CFAP58: variants seen among roughly 807,000 people sequenced by gnomAD.
CFAP58 encodes the protein cilia and flagella associated protein 58, also known as cilia- and flagella-associated protein 58.
Under a neutral mutation model 119.5 loss-of-function variants are expected in CFAP58, and 88 were observed. The observed-to-expected ratio is 0.74, with a 90% CI of 0.62 to 0.88. The LOEUF (loss-of-function observed/expected upper bound fraction) is 0.88, where lower values mean the gene tolerates loss of function less well. Ranked by LOEUF, CFAP58 falls within the 40% of genes least tolerant of loss-of-function variation. The pLI is 0.00. For synonymous variants in CFAP58, 365 were observed against 366.3 expected (o/e 1.00, Z 0.04); for missense variants, 990 against 1,021.2 (o/e 0.97, Z 0.42).
chr10:104,450,725 T>TTTG (rs397812639), intron 17 of CFAP58, among the ~76,000 whole-genome samples: 2 of 151,594 alleles, frequency 1.3e-5, no homozygotes, highest in African/African-American at 4.9e-5. Flanking sequence ...GATTTTTTTT[T>TTTG]GTAGCAACAG....
chr10:104,445,654 C>T (rs2013102997), intron 15 of CFAP58, among the ~76,000 whole-genome samples: 1 of 152,106 alleles, frequency 6.6e-6, no homozygotes, highest in Non-Finnish European at 1.5e-5. Context: ...AGGGTGATAC[C>T]ATGTCTTTGA....
At chr10:104,432,550 T>C (rs2012865853) in intron 15 of CFAP58, among the ~76,000 whole-genome samples, 3 of 152,088 alleles carry the variant, frequency 2.0e-5, no homozygotes, top group African/African-American at 7.2e-5. Flanking sequence ...GTCACCAGGC[T>C]AGAGTGCCAT....
chr10:104,415,029 A>C (rs901523522), intron 15 of CFAP58, among the ~76,000 whole-genome samples: 11 of 152,152 alleles, frequency 7.2e-5, no homozygotes, highest in Non-Finnish European at 1.5e-4. Context: ...GAGCGCCCGG[A>C]ATTCCGGGGT....
intron 15 of CFAP58, among the ~76,000 whole-genome samples, chr10:104,408,060 A>G (rs895137991): frequency 2.0e-5 from 3 of 152,222 alleles, no homozygotes; most frequent in African/African-American, 7.2e-5. Context: ...ATATATGAGT[A>G]AGGGACATTT....
chr10:104,381,113 G>A lies in CFAP58; in HGVS notation c.1365+893G>A, dbSNP rs549448457. Among the ~76,000 whole-genome samples, 3 of 152,318 alleles carry A rather than the reference G, an allele frequency of 2.0e-5. No individual in the cohort carries two copies. In the South Asian group the frequency reaches 6.2e-4, roughly 32 times the overall value. On this transcript the variant is annotated intron_variant, in intron 9 of 17. Coordinates refer to ENST00000369704, the MANE Select transcript of CFAP58 (RefSeq NM_001008723.2). ...TACAGTGAGCTGTGGTTGCAGCACT[G>A]CACTCCAGCCTGGGCAACAGAGTGA... is the stretch of plus-strand genomic sequence containing the variant.
chr10:104,411,548 C>T (rs529226668), intron 15 of CFAP58, among the ~76,000 whole-genome samples: 32 of 152,020 alleles, frequency 2.1e-4, no homozygotes, highest in African/African-American at 7.5e-4. Context: ...TTTCAGAAAG[C>T]CTTTATTTGG....
In CFAP58 at chr10:104,442,554, C is replaced by T. The variant is rs1159289897; in HGVS notation, c.2257-5144C>T. 6.7e-5 allele frequency among the ~76,000 whole-genome samples: 10 copies of T among 149,442 alleles called. No individual in the cohort carries two copies. The East Asian group carries it at 1.8e-3, about 26-fold the overall frequency. On this transcript the variant is annotated intron_variant, in intron 15 of 17. Transcript: ENST00000369704. ...AGTGAGCCGAGATGGTGCCATTGCA[C>T]TCCAGGCTAGGTGAGAGAGTGAGAC...
At chr10:104,383,921 T>A (rs2011871937) in intron 9 of CFAP58, among the ~76,000 whole-genome samples, 1 of 152,200 alleles carries the variant, frequency 6.6e-6, no homozygotes, top group Non-Finnish European at 1.5e-5. Context: ...GTTCCAAGTT[T>A]ATCTTTTTGA....
chr10:104,353,327 C>T, upstream of CFAP58: 1 of 152,600 alleles, frequency 6.6e-6, no homozygotes, highest in South Asian at 2.0e-4. Context: ...TCAGCTTTCC[C>T]TCCGTGTCTT....
intron 15 of CFAP58, among the ~76,000 whole-genome samples, chr10:104,418,412 T>G (rs946309819): frequency 2.0e-5 from 3 of 152,060 alleles, no homozygotes; most frequent in Non-Finnish European, 4.4e-5. Flanking sequence ...GCCGGGCATG[T>G]TGGCAGGTGC....
rs548675831 is a variant in CFAP58, at chr10:104,393,241, C to T, written c.1528-88C>T. On this transcript the variant is annotated intron_variant, in intron 10 of 17. Coordinates refer to ENST00000369704, the MANE Select transcript of CFAP58 (RefSeq NM_001008723.2). ...GAGACCATTGTTTTGAGAGAGCGTC[C>T]CTTAAAAGCTCTGAAATATATATTG... The T allele has an allele frequency of 2.9e-4, 342 of 1,183,552 alleles. 2 individuals carry two copies. The South Asian group carries it at 4.9e-3, about 17-fold the overall frequency. The allele number at this position is 1,183,552 out of a possible 1,614,324, so 73.3% of individuals were successfully genotyped here. A position where few individuals can be genotyped will look rare whatever the true frequency, so the allele number is the denominator to read the frequency against.
chr10:104,426,225 T>A (rs1333311527), intron 15 of CFAP58, among the ~76,000 whole-genome samples: 1 of 151,896 alleles, frequency 6.6e-6, no homozygotes, highest in East Asian at 1.9e-4. Context: ...GGCAACAGAG[T>A]GAGACCCATC....
At chr10:104,398,927 CGTGTGCTGGTG>C (rs1280542310) in intron 11 of CFAP58, among the ~76,000 whole-genome samples, 1 of 152,126 alleles carries the variant, frequency 6.6e-6, no homozygotes, top group Non-Finnish European at 1.5e-5. Context: ...CTTTGCAGTT[CGTGTGCTGGTG>C]GTGGTAGGGC....
intron 15 of CFAP58, among the ~76,000 whole-genome samples, chr10:104,413,059 G>A (rs2012486116): frequency 6.6e-6 from 1 of 152,184 alleles, no homozygotes; most frequent in South Asian, 2.1e-4. Context: ...CTTCGCAAAG[G>A]AGTTCTGGTG....
At chr10:104,450,578 C>A (rs1235392675) in intron 17 of CFAP58, among the ~76,000 whole-genome samples, 1 of 152,196 alleles carries the variant, frequency 6.6e-6, no homozygotes, top group African/African-American at 2.4e-5. Context: ...TTTAAAACCA[C>A]ATGTGCTTTT....
chr10:104,393,283 A>T, intron 10 of CFAP58, 46 bp from the exon 11 acceptor site: 1 of 1,565,704 alleles, frequency 6.4e-7, no homozygotes, highest in Non-Finnish European at 8.8e-7. Context: ...CATAGGGACG[A>T]TGATGTCTAA....
intron 9 of CFAP58, among the ~76,000 whole-genome samples, chr10:104,380,840 A>G (rs1050299489): frequency 1.3e-5 from 2 of 151,948 alleles, no homozygotes; most frequent in Non-Finnish European, 2.9e-5. Context: ...CTACCAAAAT[A>G]AATTAAAAAG....
chr10:104,386,992 T>G (rs1461346447), intron 9 of CFAP58, among the ~76,000 whole-genome samples: 1 of 152,242 alleles, frequency 6.6e-6, no homozygotes, highest in Non-Finnish European at 1.5e-5. Flanking sequence ...TGTTCTTTCT[T>G]GCTTAGAGAA....
chr10:104,382,884 T>C (rs1168844960), intron 9 of CFAP58, among the ~76,000 whole-genome samples: 1 of 152,206 alleles, frequency 6.6e-6, no homozygotes, highest in Non-Finnish European at 1.5e-5. Context: ...GGGAAGTTTT[T>C]TGTAGCAGTA....
Sources: gnomAD v4.1 joint callset for allele counts (sites outside exome capture counted in the v4.1 genomes callset) on GRCh38, gnomAD v4.1.1 for gene constraint, MANE v1.5 for transcripts, NCBI Gene and HGNC (gene_info 2026-07-23, HGNC 2026-07-21) for gene names.